LGI1: variants seen among roughly 807,000 people sequenced by gnomAD.
LGI1 encodes leucine-rich glioma-inactivated protein 1.
Under a neutral mutation model 57.7 loss-of-function variants are expected in LGI1, and 11 were observed. That is an observed-to-expected ratio of 0.19 (90% CI 0.12 to 0.32). The LOEUF (loss-of-function observed/expected upper bound fraction) is 0.32, where lower values mean the gene tolerates loss of function less well. LGI1 is among the 10% of genes least tolerant of loss of function. The pLI is 1.00. For missense variants in LGI1, 422 were observed against 661.9 expected (o/e 0.64, Z 3.98); for synonymous variants, 222 against 241.9 (o/e 0.92, Z 0.76).
chr10:93,793,549 G>A (rs959119806), intron 7 of LGI1, among the ~76,000 whole-genome samples, 199 bp downstream of exon 7: 5 of 152,184 alleles, frequency 3.3e-5, no homozygotes, highest in African/African-American at 9.7e-5. Context: ...TAACTCACAA[G>A]GTTGTTAATA....
rs899922981 is a variant in LGI1 at position 93,777,285 on chromosome 10, A to G, written c.288-94A>G. ...GACAGCCATGCAGACATTTTTCTGT[A>G]TACAACTCCCACTCATTTTTCTGAG... On this transcript the variant is annotated intron_variant, in intron 2 of 7. Transcript: ENST00000371418. The G allele has an allele frequency of 1.8e-4, 196 of 1,069,638 alleles. 1 individual carries two copies. The highest frequency in any genetic ancestry group is 2.8e-4 in the Non-Finnish European group (190 of 687,928). The allele number at this position is 1,069,638 out of a possible 1,614,324, so 66.3% of individuals were successfully genotyped here.
chr10:93,794,909 T>TCTGGGGCTTGCTTGAGG (rs2059967179), intron 7 of LGI1: 1 of 152,110 alleles, frequency 6.6e-6, no homozygotes, highest in African/African-American at 2.4e-5. Context: ...CCAAGACAGG[T>TCTGGGGCTTGCTTGAGG]CTGGGGCTTG....
chr10:93,775,769 T>C (rs900245344), intron 2 of LGI1, among the ~76,000 whole-genome samples: 1 of 152,242 alleles, frequency 6.6e-6, no homozygotes, highest in African/African-American at 2.4e-5. Flanking sequence ...ATGGAAACTA[T>C]TTCTTCTGGC....
At chr10:93,768,720 G>C (rs990096834) in intron 2 of LGI1, 6 of 152,202 alleles carry the variant, frequency 3.9e-5, no homozygotes, top group Non-Finnish European at 5.9e-5. Context: ...GGACATCCCT[G>C]CAAATCTGAA....
At chr10:93,791,644 G>A (rs2059938880) in intron 5 of LGI1, 1 of 152,196 alleles carries the variant, frequency 6.6e-6, no homozygotes, top group African/African-American at 2.4e-5. Context: ...TATGTGTGGT[G>A]TGAAGAGTAG....
At chr10:93,772,794 G>A (rs1157282977) in intron 2 of LGI1, 2 of 152,068 alleles carry the variant, frequency 1.3e-5, no homozygotes, top group Non-Finnish European at 2.9e-5. Context: ...TGTATTCAAG[G>A]CTGGGTACGG....
intron 2 of LGI1, chr10:93,765,460 T>G (rs1380348000): frequency 6.6e-6 from 1 of 152,166 alleles, no homozygotes; most frequent in Non-Finnish European, 1.5e-5. Flanking sequence ...CTGATGGGAT[T>G]GTGGTACATG....
At chr10:93,781,365 G>GTAAATAAATAAATAAA (rs35338658) in intron 4 of LGI1, among the ~76,000 whole-genome samples, 6 of 148,316 alleles carry the variant, frequency 4.0e-5, no homozygotes, top group African/African-American at 1.5e-4. Context: ...TCTCTAAGAA[G>GTAAATAAATAAATAAA]TAAATAAATA....
At chr10:93,790,878 C>T (rs1304748811) in intron 5 of LGI1, 1 of 152,190 alleles carries the variant, frequency 6.6e-6, no homozygotes, top group Non-Finnish European at 1.5e-5. Context: ...TATTTGCCTT[C>T]CAGAACATTA....
At chr10:93,794,364 T>TC (rs1221402953) in intron 7 of LGI1, among the ~76,000 whole-genome samples, 4 of 134,152 alleles carry the variant, frequency 3.0e-5, no homozygotes, top group Admixed American at 7.1e-5. Flanking sequence ...GGATCTCTCT[T>TC]TTTTTTTTTT....
chr10:93,783,507 A>G (rs538821417), intron 4 of LGI1, among the ~76,000 whole-genome samples: 3 of 152,296 alleles, frequency 2.0e-5, no homozygotes, highest in African/African-American at 7.2e-5. Flanking sequence ...TTTCTACCAC[A>G]GTGGGGCTGT....
At chr10:93,790,605 A>G (rs10736082) in intron 5 of LGI1, 151,116 of 161,886 alleles carry the variant, frequency 0.93, 70,833 homozygotes, top group Non-Finnish European at 0.98. Flanking sequence ...GAGAAATGGA[A>G]CAGGAAGTGG....
At chr10:93,779,834 C>A (rs968907242) in intron 4 of LGI1, among the ~76,000 whole-genome samples, 1 of 152,178 alleles carries the variant, frequency 6.6e-6, no homozygotes, top group Non-Finnish European at 1.5e-5. Context: ...CCTCTCTGAG[C>A]TGGTGCTGGA....
At chr10:93,776,176 A>G (rs2059792048) in intron 2 of LGI1, 1 of 152,238 alleles carries the variant, frequency 6.6e-6, no homozygotes, top group Non-Finnish European at 1.5e-5. Context: ...TTAGAAGACA[A>G]TCCAACACCA....
At chr10:93,789,640 G>C in intron 4 of LGI1, 1 of 167,450 alleles carries the variant, frequency 6.0e-6, no homozygotes, top group South Asian at 1.5e-4. Flanking sequence ...TTGGGAGGCC[G>C]AGGCGGGTGG....
chr10:93,777,357 A>C, intron 2 of LGI1, 22 bp from the exon 3 acceptor site: 1 of 1,608,908 alleles, frequency 6.2e-7, no homozygotes, highest in Non-Finnish European at 8.5e-7. Flanking sequence ...CACCATTTTC[A>C]TTGTGTACTT....
chr10:93,771,762 GGTCGGGA>G (rs1419829174), intron 2 of LGI1: 1 of 152,246 alleles, frequency 6.6e-6, no homozygotes, highest in Admixed American at 6.5e-5. Context: ...GATCACGTGA[GGTCGGGA>G]GTTCGAGACC....
chr10:93,760,591 G>A (rs2059612421), intron 2 of LGI1, among the ~76,000 whole-genome samples: 1 of 152,180 alleles, frequency 6.6e-6, no homozygotes, highest in African/African-American at 2.4e-5. Flanking sequence ...AGCCTGGAGT[G>A]ATTAACCTAA....
intron 4 of LGI1, among the ~76,000 whole-genome samples, chr10:93,782,074 C>G (rs2059852119): frequency 6.6e-6 from 1 of 152,196 alleles, no homozygotes; most frequent in South Asian, 2.1e-4. Flanking sequence ...AGAGGGTGAT[C>G]TCTGCCACCA....
Sources: gnomAD v4.1 joint callset for allele counts (sites outside exome capture counted in the v4.1 genomes callset) on GRCh38, gnomAD v4.1.1 for gene constraint, MANE v1.5 for transcripts, NCBI Gene and HGNC (gene_info 2026-07-23, HGNC 2026-07-21) for gene names.